Variants in RSU1 observed in about 807,000 individuals in gnomAD.
The protein encoded by RSU1 is rsu-1.
Under a neutral mutation model 31.1 loss-of-function variants are expected in RSU1, and 26 were observed. The ratio of observed to expected loss-of-function variants is 0.84; its 90% confidence interval spans 0.61 to 1.16. The LOEUF is 1.16. Among genes scored for constraint, RSU1 ranks in the 50% most tolerant of loss-of-function variants. The probability of loss-of-function intolerance (pLI) is 0.00; values close to 1 mark genes in which losing one functional copy is unlikely to be tolerated. For missense variants in RSU1, 320 were observed against 339.1 expected (o/e 0.94, Z 0.44); for synonymous variants, 164 against 136.3 (o/e 1.20, Z -1.41).
chr10:16,737,412 C>A (rs1056841494), intron 7 of RSU1, among the ~76,000 whole-genome samples: 5 of 151,168 alleles, frequency 3.3e-5, no homozygotes, highest in Non-Finnish European at 5.9e-5. Context: ...GACACTAAAA[C>A]AATGCAAACC....
intron 3 of RSU1, among the ~76,000 whole-genome samples, chr10:16,772,892 TTC>T (rs1837451518): frequency 6.6e-6 from 1 of 152,144 alleles, no homozygotes; most frequent in Admixed American, 6.6e-5. Flanking sequence ...TGTCATTAGT[TTC>T]TGTCTTCTTT....
At chr10:16,712,243 G>A (rs1259895440) in intron 7 of RSU1, among the ~76,000 whole-genome samples, 1 of 152,062 alleles carries the variant, frequency 6.6e-6, no homozygotes, top group South Asian at 2.1e-4. Context: ...TGAGCCTCTT[G>A]TAGCCAGCAG....
chr10:16,651,694 A>G (rs192788448), intron 8 of RSU1, among the ~76,000 whole-genome samples: 1 of 152,350 alleles, frequency 6.6e-6, no homozygotes, highest in East Asian at 1.9e-4. Flanking sequence ...ATTACTCTAA[A>G]GGTACTAGTT....
intron 8 of RSU1, among the ~76,000 whole-genome samples, chr10:16,657,949 G>A (rs1588698535): frequency 6.6e-6 from 1 of 152,052 alleles, no homozygotes; most frequent in Non-Finnish European, 1.5e-5. Context: ...AAGATCACAC[G>A]ACTGCACTCC....
intron 7 of RSU1, among the ~76,000 whole-genome samples, chr10:16,698,407 A>G (rs80073947): frequency 0.013 from 2,039 of 152,264 alleles, 41 homozygotes; most frequent in African/African-American, 0.046. Flanking sequence ...ACGGCCTGCA[A>G]AACCACTCTG....
At chr10:16,775,685 A>G (rs1837512733) in intron 3 of RSU1, among the ~76,000 whole-genome samples, 1 of 152,182 alleles carries the variant, frequency 6.6e-6, no homozygotes, top group South Asian at 2.1e-4. Flanking sequence ...CAGCCAAAAA[A>G]TCGCAACACA....
At chr10:16,763,070 T>G (rs1837241536) in intron 4 of RSU1, among the ~76,000 whole-genome samples, 1 of 151,920 alleles carries the variant, frequency 6.6e-6, no homozygotes, top group Non-Finnish European at 1.5e-5. Flanking sequence ...CGTCAATCAC[T>G]AACTTAACTA....
intron 8 of RSU1, among the ~76,000 whole-genome samples, chr10:16,667,384 C>T (rs923329057): frequency 4.6e-5 from 7 of 152,182 alleles, no homozygotes; most frequent in African/African-American, 1.7e-4. Flanking sequence ...GTGACATGAA[C>T]TAGTGACTAC....
intron 2 of RSU1, among the ~76,000 whole-genome samples, chr10:16,786,997 G>A (rs1035786751): frequency 5.9e-5 from 9 of 152,066 alleles, no homozygotes; most frequent in East Asian, 3.9e-4. Context: ...GGATCGGATC[G>A]ATGCCTTACA....
At chr10:16,716,504 G>C (rs933156715) in intron 7 of RSU1, among the ~76,000 whole-genome samples, 2 of 152,066 alleles carry the variant, frequency 1.3e-5, no homozygotes, top group African/African-American at 2.4e-5. Context: ...TAGGGAATGA[G>C]AGGCAAAGGG....
chr10:16,796,349 C>G (rs1838031588), intron 2 of RSU1, among the ~76,000 whole-genome samples: 1 of 152,118 alleles, frequency 6.6e-6, no homozygotes, highest in South Asian at 2.1e-4. Flanking sequence ...TGATCTGCTC[C>G]AGGGCCTCGC....
intron 3 of RSU1, among the ~76,000 whole-genome samples, chr10:16,765,725 C>G (rs1837300332): frequency 6.6e-6 from 1 of 152,172 alleles, no homozygotes; most frequent in South Asian, 2.1e-4. Context: ...TAACTAAGAA[C>G]ATGAACAGGG....
At chr10:16,778,697 G>C (rs1366496613) in intron 3 of RSU1, among the ~76,000 whole-genome samples, 2 of 152,160 alleles carry the variant, frequency 1.3e-5, no homozygotes, top group Non-Finnish European at 2.9e-5. Context: ...GAGAGGAGGA[G>C]GGAGGAGGAG....
At chr10:16,612,763 C>A (rs775218536) in intron 8 of RSU1, among the ~76,000 whole-genome samples, 3 of 152,180 alleles carry the variant, frequency 2.0e-5, no homozygotes, top group African/African-American at 4.8e-5. Context: ...CTAGTCAGCT[C>A]TTCGTTACCC....
intron 3 of RSU1, among the ~76,000 whole-genome samples, 153 bp downstream of exon 3, chr10:16,781,881 C>A (rs1267233030): frequency 6.6e-6 from 1 of 152,148 alleles, no homozygotes; most frequent in Admixed American, 6.6e-5. Context: ...TACAGGATGA[C>A]AATATTCTCA....
intron 7 of RSU1, among the ~76,000 whole-genome samples, chr10:16,731,924 C>A (rs1836519591): frequency 6.6e-6 from 1 of 151,944 alleles, no homozygotes; most frequent in Non-Finnish European, 1.5e-5. Context: ...ATATTTAATC[C>A]CAGGTCCCAT....
intron 2 of RSU1, among the ~76,000 whole-genome samples, chr10:16,783,664 T>C (rs2131648264): frequency 6.6e-6 from 1 of 152,272 alleles, no homozygotes; most frequent in East Asian, 1.9e-4. Context: ...GCATGTTTTT[T>C]TTTTTGTTTT....
intron 7 of RSU1, among the ~76,000 whole-genome samples, chr10:16,701,315 C>T (rs1165003505): frequency 2.0e-5 from 3 of 152,146 alleles, no homozygotes; most frequent in Non-Finnish European, 2.9e-5. Flanking sequence ...CTTCTGTCTG[C>T]GTAATAGATG....
chr10:16,780,147 T>C (rs577673730), intron 3 of RSU1, among the ~76,000 whole-genome samples: 5 of 152,236 alleles, frequency 3.3e-5, no homozygotes, highest in South Asian at 2.1e-4. Flanking sequence ...AACTGATCCA[T>C]TGACTCCTGA....
Sources: allele counts gnomAD v4.1 joint callset (sites outside exome capture counted in the v4.1 genomes callset), GRCh38; gene constraint gnomAD v4.1.1; transcripts MANE v1.5; gene names NCBI Gene and HGNC (gene_info 2026-07-23, HGNC 2026-07-21).